Variants in PPCS observed in about 807,000 individuals in gnomAD.
The protein encoded by PPCS is phosphopantothenoylcysteine synthetase.
PPCS carries 17 observed loss-of-function variants against 24.6 expected under a neutral mutation model. That is an observed-to-expected ratio of 0.69 (90% CI 0.47 to 1.04). PPCS has a LOEUF of 1.04. Ranked by LOEUF, PPCS falls within the 50% of genes least tolerant of loss-of-function variation. The pLI, the probability that PPCS is intolerant of heterozygous loss-of-function variation, is 0.00. For synonymous variants in PPCS, 190 were observed against 168.3 expected (o/e 1.13, Z -1.00); for missense variants, 360 against 402.8 (o/e 0.89, Z 0.91).
In PPCS at chr1:42,456,733, C is replaced by T. The variant is rs1207043808; in HGVS notation, c.168C>T (p.Phe56=). The T allele has an allele frequency of 1.2e-6, 2 of 1,610,638 alleles. No individual in the cohort carries two copies. Among genetic ancestry groups the T allele is most frequent in the Admixed American group, 3.3e-5 (2 of 59,906 alleles). ...CACTGGAAGCGCGGCCGGTGCGCTT[C>T]CTGGACAACTTCAGCAGCGGGCGGC... is the stretch of plus-strand genomic sequence containing the variant. The part of the protein sequence containing the change: ...KVPLEARPVR[F]LDNFSSGRRG... Residue 56 remains phenylalanine, a synonymous_variant, in exon 1 of 3, where the codon TTC becomes TTT. Transcript: ENST00000372561.
At chr1:42,462,991 C>T (rs1049193721), downstream of PPCS, among the ~76,000 whole-genome samples, 2 of 152,146 alleles carry the variant, frequency 1.3e-5, no homozygotes, top group African/African-American at 4.8e-5. Flanking sequence ...TAGGCAGGGG[C>T]TCCAGCTGAG....
chr1:42,467,614 G>A (rs1447135461), intron 2 of PPCS: 2 of 152,316 alleles, frequency 1.3e-5, no homozygotes, highest in Non-Finnish European at 2.9e-5. Flanking sequence ...ACACGCATTG[G>A]TCTTAAACAG....
At chr1:42,463,049 T>G (rs997143865), downstream of PPCS, among the ~76,000 whole-genome samples, 1 of 152,238 alleles carries the variant, frequency 6.6e-6, no homozygotes, top group Admixed American at 6.5e-5. Flanking sequence ...AGACAAAATG[T>G]ATTCGCTAAG....
intron 2 of PPCS, among the ~76,000 whole-genome samples, chr1:42,468,124 T>A (rs1421313049): frequency 3.3e-5 from 5 of 152,172 alleles, no homozygotes; most frequent in Non-Finnish European, 2.9e-5. Flanking sequence ...ATAACCCTCA[T>A]ATAGTAGTTG....
At chr1:42,472,779 TAAC>T (rs551218483) in intron 2 of PPCS, among the ~76,000 whole-genome samples, 301 of 152,286 alleles carry the variant, frequency 2.0e-3, no homozygotes, top group African/African-American at 7.1e-3. Flanking sequence ...CATAACTAGA[TAAC>T]AACAGGAAAA....
chr1:42,457,132 T>C lies in PPCS; in HGVS notation c.508+59T>C. On this transcript the variant is annotated intron_variant, in intron 1 of 2. Coordinates refer to ENST00000372561, the MANE Select transcript of PPCS (RefSeq NM_024664.4). Reference sequence around the variant, plus strand: ...AGCACAGCCTTTCTTTCCAGCCACTTATCCCCTTACCTCCTGCTTACCCAC... The same window carrying C: ...AGCACAGCCTTTCTTTCCAGCCACTCATCCCCTTACCTCCTGCTTACCCAC... 4 of 1,582,520 alleles carry C rather than the reference T, an allele frequency of 2.5e-6. No individual in the cohort carries two copies. In the South Asian group the frequency reaches 4.7e-5, roughly 19 times the overall value.
rs3748846 is a variant in PPCS, at chr1:42,473,350, C to G, written n.606C>G. On this transcript the variant is annotated non_coding_transcript_exon_variant, in exon 3 of 3. Coordinates refer to the PPCS transcript ENST00000471420. ...TTTTAAAGACACCTGTGATTTTGTT[C>G]ATTGCCCTTCATTAAATTGACATAT... is the stretch of plus-strand genomic sequence containing the variant. 0.16 allele frequency: 163,877 copies of G among 1,036,594 alleles called. 12,892 individuals carry two copies. The highest frequency in any genetic ancestry group is 0.17 in the East Asian group (5,249 of 30,784). The allele number at this position is 1,036,594 out of a possible 1,614,324, so 64.2% of individuals were successfully genotyped here. A position where few individuals can be genotyped will look rare whatever the true frequency, so the allele number is the denominator to read the frequency against.
chr1:42,470,006 C>T (rs529039993), intron 2 of PPCS, among the ~76,000 whole-genome samples: 13 of 152,110 alleles, frequency 8.5e-5, no homozygotes, highest in Admixed American at 2.6e-4. Flanking sequence ...TGTTCTCTAT[C>T]GGCACTCAGC....
At position 42,459,906 on chromosome 1, in the gene PPCS, T is replaced by C. The variant is rs775424687; in HGVS notation, c.916T>C (p.Phe306Leu). 3 of 1,607,926 alleles carry C rather than the reference T, an allele frequency of 1.9e-6. No individual in the cohort carries two copies. In the East Asian group the frequency reaches 6.7e-5, roughly 36 times the overall value. Residue 306 changes from phenylalanine (F) to leucine (L), a missense_variant, in exon 3 of 3, where the codon TTT (phenylalanine) becomes CTT (leucine). Around this residue, in one of 2 missense-constraint regions of PPCS, gnomAD observed 116 missense variants for 168.1 expected, o/e 0.69. Coordinates refer to ENST00000372561, the MANE Select transcript of PPCS (RefSeq NM_024664.4). ...TAATCTTCAGTCTCGACACACAGCT[T>C]TTATAGGTGACAGAAACTGAAGTAA... ...VDNLQSRHTA[F>L]IGDRN
In PPCS at chr1:42,456,786, T is replaced by C. The variant is rs200889086; in HGVS notation, c.221T>C (p.Leu74Pro). 5 of 1,613,080 alleles carry C rather than the reference T, an allele frequency of 3.1e-6. No individual in the cohort carries two copies. Among genetic ancestry groups the C allele is most frequent in the Non-Finnish European group, 4.2e-6 (5 of 1,179,990 alleles). ...RRGATSAEAF[L>P]AAGYGVLFLY... ...GGTGCAACCTCGGCCGAGGCCTTCC[T>C]AGCCGCCGGCTACGGGGTCCTGTTC... The change falls in exon 1 of 3, where the codon CTA (leucine) becomes CCA (proline). Residue 74 changes from leucine to proline, a missense_variant. Physicochemically the swap from Leu to Pro is moderately conservative, Grantham distance 98. Around this residue, in one of 2 missense-constraint regions of PPCS, gnomAD observed 244 missense variants for 234.7 expected, o/e 1.04. Coordinates refer to ENST00000372561, the MANE Select transcript of PPCS (RefSeq NM_024664.4).
rs1293051820 is a variant in PPCS at position 42,461,170 on chromosome 1, A to AG, written c.*1247dup. ...TTCATGGTGTTTCATGGAGTAGGGA[A>AG]GGGTAGCCCCTGTGTCTGTCTGATA... On this transcript the variant is annotated 3_prime_UTR_variant, in exon 3 of 3. Coordinates refer to ENST00000372561, the MANE Select transcript of PPCS (RefSeq NM_024664.4). 6.6e-6 allele frequency among the ~76,000 whole-genome samples: 1 copy of AG among 152,230 alleles called. No homozygotes were observed. The highest frequency in any genetic ancestry group is 1.5e-5 in the Non-Finnish European group (1 of 68,024).
rs528458285 is a variant in PPCS at position 42,461,067 on chromosome 1, C to A, written c.*1141C>A. Among the ~76,000 whole-genome samples, 35 of 152,282 alleles carry A rather than the reference C, an allele frequency of 2.3e-4. No individual in the cohort carries two copies. The highest frequency in any genetic ancestry group is 8.2e-4 in the African/African-American group (34 of 41,542). ...AATGATCTGTAGGATAGTCCAGGTGCAATTTGAAAAATTAGCATTGATGAC... is the reference window on the plus strand; with the variant it reads ...AATGATCTGTAGGATAGTCCAGGTGAAATTTGAAAAATTAGCATTGATGAC... On this transcript the variant is annotated 3_prime_UTR_variant, in exon 3 of 3. Coordinates refer to ENST00000372561, the MANE Select transcript of PPCS (RefSeq NM_024664.4).
downstream of PPCS, among the ~76,000 whole-genome samples, chr1:42,462,019 G>A (rs1321939282): frequency 6.6e-6 from 1 of 152,082 alleles, no homozygotes; most frequent in Non-Finnish European, 1.5e-5. Flanking sequence ...TGTACAATGG[G>A]GATATATGGG....
chr1:42,467,317 A>G (rs1479228576), intron 2 of PPCS, among the ~76,000 whole-genome samples: 2 of 152,238 alleles, frequency 1.3e-5, no homozygotes, highest in African/African-American at 4.8e-5. Context: ...CAGCAGGAAC[A>G]TCAGTTAAGG....
At chr1:42,457,441 G>A in intron 2 of PPCS, 91 bp downstream of exon 2, 2 of 1,099,662 alleles carry the variant, frequency 1.8e-6, no homozygotes, top group Non-Finnish European at 1.4e-6. Context: ...TTCTGCATCT[G>A]TATTCGCTAG....
chr1:42,458,784 G>T (rs866957340), intron 2 of PPCS, among the ~76,000 whole-genome samples: 21 of 152,314 alleles, frequency 1.4e-4, no homozygotes, highest in African/African-American at 4.8e-4. Flanking sequence ...CCTGAGAAGG[G>T]ATTGGGGATG....
At position 42,456,723 on chromosome 1, in the gene PPCS, C is replaced by G; in HGVS notation, c.158C>G (p.Pro53Arg). ...ACCAAGGTCCCACTGGAAGCGCGGCCGGTGCGCTTCCTGGACAACTTCAGC... is the reference window on the plus strand; with the variant it reads ...ACCAAGGTCCCACTGGAAGCGCGGCGGGTGCGCTTCCTGGACAACTTCAGC... ...GGTKVPLEARPVRFLDNFSSG... is the reference protein window; with the variant it reads ...GGTKVPLEARRVRFLDNFSSG... Residue 53 changes from proline (P) to arginine (R), a missense_variant, in exon 1 of 3, where the codon CCG becomes CGG. Coordinates refer to ENST00000372561, the MANE Select transcript of PPCS (RefSeq NM_024664.4). The G allele has an allele frequency of 6.2e-7, 1 of 1,609,410 alleles. No homozygotes were observed. Among genetic ancestry groups the G allele is most frequent in the Non-Finnish European group, 8.5e-7 (1 of 1,179,178 alleles).
Position 42,459,907 on chromosome 1 carries a change from T to G in PPCS, c.917T>G (p.Phe306Cys). Reference sequence around the variant, plus strand: ...AATCTTCAGTCTCGACACACAGCTTTTATAGGTGACAGAAACTGAAGTAAA... The same window carrying G: ...AATCTTCAGTCTCGACACACAGCTTGTATAGGTGACAGAAACTGAAGTAAA... ...VDNLQSRHTA[F>C]IGDRN is the part of the protein sequence containing the mutation. Residue 306 changes from phenylalanine (F) to cysteine (C), a missense_variant, in exon 3 of 3, where the codon TTT becomes TGT. Physicochemically the swap from Phe to Cys is radical, Grantham distance 205. This residue lies in a region of PPCS where 116 missense variants were observed against 168.1 expected (regional missense o/e 0.69). Transcript: ENST00000372561. 1.2e-6 allele frequency: 2 copies of G among 1,607,908 alleles called. No homozygotes were observed. The highest frequency in any genetic ancestry group is 1.7e-6 in the Non-Finnish European group (2 of 1,176,330).
chr1:42,457,975 A>G (rs572776571), intron 2 of PPCS, among the ~76,000 whole-genome samples: 19 of 149,764 alleles, frequency 1.3e-4, no homozygotes, highest in African/African-American at 3.4e-4. Flanking sequence ...AAAAAACACC[A>G]AAAATCAAAA....
Sources: allele counts gnomAD v4.1 joint callset (sites outside exome capture counted in the v4.1 genomes callset), GRCh38; gene constraint gnomAD v4.1.1; regional missense constraint gnomAD v4.1.1; transcripts MANE v1.5; gene names NCBI Gene and HGNC (gene_info 2026-07-23, HGNC 2026-07-21).